The following ALDH4A1 variants were observed in gnomAD, a reference collection of about 807,000 sequenced individuals.
ALDH4A1 encodes the protein delta-1-pyrroline-5-carboxylate dehydrogenase, mitochondrial.
ALDH4A1 carries 46 observed loss-of-function variants against 70.5 expected under a neutral mutation model. That is an observed-to-expected ratio of 0.65 (90% CI 0.51 to 0.83). The LOEUF (loss-of-function observed/expected upper bound fraction) is 0.83, where lower values mean the gene tolerates loss of function less well. ALDH4A1 is among the 40% of genes least tolerant of loss of function. ALDH4A1 has a pLI of 0.00. For missense variants in ALDH4A1, 749 were observed against 766.5 expected (o/e 0.98, Z 0.27); for synonymous variants, 323 against 324.3 (o/e 1.00, Z 0.04).
At chr1:18,875,563 C>G in intron 12 of ALDH4A1, 60 bp from the exon 13 acceptor site, 2 of 1,612,356 alleles carry the variant, frequency 1.2e-6, no homozygotes, top group Non-Finnish European at 1.7e-6. Context: ...GCCCTGAGCC[C>G]TCCCAGTGCC....
At chr1:18,879,595 G>A (rs546638746) in intron 8 of ALDH4A1, among the ~76,000 whole-genome samples, 1 of 152,284 alleles carries the variant, frequency 6.6e-6, no homozygotes, top group South Asian at 2.1e-4. Context: ...CAGCCAGGAG[G>A]ACACTAAGGG....
intron 12 of ALDH4A1, 150 bp from the exon 13 acceptor site, chr1:18,875,653 T>C: frequency 1.6e-6 from 2 of 1,240,338 alleles, no homozygotes; most frequent in Non-Finnish European, 2.3e-6. Flanking sequence ...AGGTGTCGCC[T>C]CCTCCTGGGT....
chr1:18,879,480 G>T, intron 8 of ALDH4A1, 107 bp from the exon 9 acceptor site: 2 of 971,694 alleles, frequency 2.1e-6, no homozygotes, highest in Non-Finnish European at 3.2e-6. Context: ...GGAGGTGGGA[G>T]CCAAGTCGGG....
intron 1 of ALDH4A1, chr1:18,890,946 T>G (rs964430441): frequency 3.8e-5 from 37 of 971,892 alleles, no homozygotes; most frequent in Non-Finnish European, 4.3e-5. Context: ...ACCATGAACT[T>G]GGAGAGCTGC....
intron 1 of ALDH4A1, among the ~76,000 whole-genome samples, chr1:18,896,884 C>T (rs1229642751): frequency 2.0e-5 from 3 of 149,346 alleles, no homozygotes; most frequent in Non-Finnish European, 3.0e-5. Flanking sequence ...CAGAGTGAGA[C>T]GATGTCTCAA....
intron 12 of ALDH4A1, 42 bp downstream of exon 12, chr1:18,876,273 G>A (rs1934674813): frequency 6.2e-7 from 1 of 1,608,810 alleles, no homozygotes; most frequent in East Asian, 2.2e-5. Context: ...TGCTCCGGTG[G>A]GATTGTCCTC....
chr1:18,888,095 A>C (rs986370630), intron 3 of ALDH4A1, among the ~76,000 whole-genome samples: 1 of 152,224 alleles, frequency 6.6e-6, no homozygotes, highest in African/African-American at 2.4e-5. Context: ...GCCACATTTC[A>C]CATGCTCAAC....
Position 18,872,621 on chromosome 1 carries a change from C to G in ALDH4A1, c.*224G>C, listed in dbSNP as rs1330850541. ...CACCAGGGTCATACCTCCCACATGG[C>G]CGATGGGATAAGGGGTAGTGGCCAT... On this transcript the variant is annotated 3_prime_UTR_variant, in exon 15 of 15. Transcript: ENST00000375341. The G allele has an allele frequency of 2.1e-6, 1 of 471,204 alleles. No homozygotes were observed. The highest frequency in any genetic ancestry group is 3.8e-6 in the Non-Finnish European group (1 of 262,612). The allele number at this position is 471,204 out of a possible 1,614,324, so 29.2% of individuals were successfully genotyped here.
At chr1:18,882,005 C>G in intron 7 of ALDH4A1, 118 bp from the exon 8 acceptor site, 1 of 1,026,796 alleles carries the variant, frequency 9.7e-7, no homozygotes, top group South Asian at 1.4e-5. Context: ...TCTGTGCCAA[C>G]CAGGACATCC....
At chr1:18,877,078 C>T in intron 11 of ALDH4A1, 130 bp downstream of exon 11, 6 of 1,193,458 alleles carry the variant, frequency 5.0e-6, no homozygotes, top group Non-Finnish European at 7.2e-6. Context: ...TGTGTGGCTG[C>T]TGAGCTGCCT....
intron 1 of ALDH4A1, among the ~76,000 whole-genome samples, chr1:18,897,308 G>A (rs752040018): frequency 2.6e-5 from 4 of 151,924 alleles, no homozygotes; most frequent in East Asian, 1.9e-4. Flanking sequence ...TTTGGGAGGC[G>A]GAAGAGGGCG....
At position 18,889,380 on chromosome 1, in the gene ALDH4A1, G is replaced by A. The variant is rs1457552315; in HGVS notation, c.231C>T (p.Asp77=). 23 of 1,552,364 alleles carry A rather than the reference G, an allele frequency of 1.5e-5. No individual in the cohort carries two copies. In the Middle Eastern group the frequency reaches 8.3e-4, roughly 56 times the overall value. ...GACATACCGACACTTGGTACTGCAC[G>A]TCCGACGTCCACACCTCCTCATCCC... ...VVGDEEVWTS[D]VQYQVSPFNH... is the part of the protein sequence containing the mutation. The change falls in exon 3 of 15, where the codon GAC becomes GAT. Residue 77 remains aspartate, a synonymous_variant. Coordinates refer to ENST00000375341, the MANE Select transcript of ALDH4A1 (RefSeq NM_003748.4).
At chr1:18,881,569 G>A in intron 8 of ALDH4A1, 131 bp downstream of exon 8, 2 of 968,404 alleles carry the variant, frequency 2.1e-6, no homozygotes, top group South Asian at 1.4e-5. Flanking sequence ...CTCACTCATA[G>A]CCACACAGCA....
intron 1 of ALDH4A1, among the ~76,000 whole-genome samples, chr1:18,900,415 C>T (rs999385540): frequency 6.6e-6 from 1 of 152,232 alleles, no homozygotes; most frequent in Non-Finnish European, 1.5e-5. Context: ...AACATCAAAG[C>T]TGTTCCTCTA....
At chr1:18,885,725 C>T (rs1935176238) in intron 4 of ALDH4A1, 97 bp from the exon 5 acceptor site, 2 of 1,525,814 alleles carry the variant, frequency 1.3e-6, no homozygotes, top group East Asian at 2.3e-5. Context: ...CACTCTCTTC[C>T]ATCCGGGGAC....
intron 1 of ALDH4A1, among the ~76,000 whole-genome samples, chr1:18,892,440 G>T (rs1055493979): frequency 7.9e-5 from 12 of 152,104 alleles, no homozygotes; most frequent in Admixed American, 5.2e-4. Flanking sequence ...AAACAAGGGG[G>T]AGAATAGGGC....
chr1:18,889,976 C>A, intron 2 of ALDH4A1, 36 bp downstream of exon 2: 4 of 1,531,100 alleles, frequency 2.6e-6, no homozygotes, highest in Non-Finnish European at 2.7e-6. Flanking sequence ...TGCTCCATGC[C>A]CTGCACCTCT....
Position 18,872,886 on chromosome 1 carries a change from G to A in ALDH4A1, c.1651C>T (p.His551Tyr). 6.2e-7 allele frequency: 1 copy of A among 1,614,118 alleles called. No individual in the cohort carries two copies. The highest frequency in any genetic ancestry group is 8.5e-7 in the Non-Finnish European group (1 of 1,180,024). ...WTSPQVIKET[H>Y]KPLGDWSYAY... ...TAGCTCCAGTCCCCCAGGGGCTTAT[G>A]TGTCTCCTTGATGACCTGCGGCGAC... Residue 551 changes from histidine to tyrosine, a missense_variant, in exon 15 of 15, where the codon CAT becomes TAT. Coordinates refer to ENST00000375341, the MANE Select transcript of ALDH4A1 (RefSeq NM_003748.4).
chr1:18,884,470 C>T (rs1435200073), intron 5 of ALDH4A1, among the ~76,000 whole-genome samples: 1 of 152,140 alleles, frequency 6.6e-6, no homozygotes, highest in Non-Finnish European at 1.5e-5. Flanking sequence ...ATAACCCTTT[C>T]TCCCTCGACT....
Sources: gnomAD v4.1 joint callset for allele counts (sites outside exome capture counted in the v4.1 genomes callset) on GRCh38, gnomAD v4.1.1 for gene constraint, MANE v1.5 for transcripts, NCBI Gene and HGNC (gene_info 2026-07-23, HGNC 2026-07-21) for gene names.